The following CCBE1 variants were observed in gnomAD, a reference collection of about 807,000 sequenced individuals.
CCBE1 encodes the protein collagen and calcium binding EGF domains 1.
Under a neutral mutation model 50.0 loss-of-function variants are expected in CCBE1, and 37 were observed. The ratio of observed to expected loss-of-function variants is 0.74; its 90% CI spans 0.57 to 0.97. The LOEUF (loss-of-function observed/expected upper bound fraction) is 0.97. CCBE1 is among the 50% of genes least tolerant of loss of function. The probability of loss-of-function intolerance (pLI) is 0.00; values close to 1 mark genes in which losing one functional copy is unlikely to be tolerated. For missense variants in CCBE1, 538 were observed against 523.8 expected, an observed-to-expected ratio of 1.03 and a Z score of -0.26; for synonymous variants, 234 against 203.7, an observed-to-expected ratio of 1.15 and a Z score of -1.27.
intron 6 of CCBE1, among the ~76,000 whole-genome samples, chr18:59,451,216 C>T (rs1199096585): frequency 1.3e-5 from 2 of 152,044 alleles, no homozygotes; most frequent in Non-Finnish European, 2.9e-5. Context: ...CTCAACTGCT[C>T]AACGTGGGGA....
At chr18:59,509,181 G>A (rs754865540) in intron 2 of CCBE1, among the ~76,000 whole-genome samples, 1 of 152,100 alleles carries the variant, frequency 6.6e-6, no homozygotes, top group Admixed American at 6.6e-5. Flanking sequence ...CTGAGAAACT[G>A]GCCACAGAAG....
chr18:59,565,920 A>G (rs2052818185), intron 2 of CCBE1, among the ~76,000 whole-genome samples: 1 of 152,172 alleles, frequency 6.6e-6, no homozygotes, highest in Non-Finnish European at 1.5e-5. Context: ...CTGTTACGTC[A>G]GGGCTCCTGA....
At chr18:59,665,715 T>C (rs2054345525) in intron 2 of CCBE1, among the ~76,000 whole-genome samples, 2 of 152,026 alleles carry the variant, frequency 1.3e-5, no homozygotes, top group Admixed American at 1.3e-4. Context: ...TCCGAGGTGA[T>C]GGATGTACCC....
intron 2 of CCBE1, among the ~76,000 whole-genome samples, chr18:59,653,460 T>A (rs79613449): frequency 6.6e-6 from 1 of 152,186 alleles, no homozygotes; most frequent in Non-Finnish European, 1.5e-5. Flanking sequence ...ACAAATCACA[T>A]AGCTTAAAGG....
chr18:59,637,510 A>G (rs1276143041), intron 2 of CCBE1, among the ~76,000 whole-genome samples: 1 of 152,202 alleles, frequency 6.6e-6, no homozygotes, highest in African/African-American at 2.4e-5. Context: ...TAGCCTACAG[A>G]TAAAGAAGTA....
intron 2 of CCBE1, among the ~76,000 whole-genome samples, chr18:59,499,805 T>C (rs142779528): frequency 1.4e-3 from 209 of 152,298 alleles, no homozygotes; most frequent in Non-Finnish European, 2.5e-3. Context: ...ACTTTGACAG[T>C]GGGCAGACTT....
rs143707431 is a variant in CCBE1, at chr18:59,506,049, G to A, written c.213-25811C>T. Reference sequence around the variant, plus strand: ...CATTCACATATACCCAGGAACCTCAGAATGTGGTCTTATTTGGGAATAGCG... The same window carrying A: ...CATTCACATATACCCAGGAACCTCAAAATGTGGTCTTATTTGGGAATAGCG... On this transcript the variant is annotated intron_variant, in intron 2 of 10. Coordinates refer to ENST00000439986, the MANE Select transcript of CCBE1 (RefSeq NM_133459.4). Among the ~76,000 whole-genome samples the A allele has an allele frequency of 2.1e-3, 322 of 152,346 alleles. 1 individual carries two copies. The highest frequency in any genetic ancestry group is 7.3e-3 in the African/African-American group (304 of 41,576).
intron 7 of CCBE1, among the ~76,000 whole-genome samples, chr18:59,443,534 T>C (rs924959018): frequency 6.6e-6 from 1 of 151,552 alleles, no homozygotes; most frequent in Non-Finnish European, 1.5e-5. Context: ...TGGTGCAATC[T>C]CGTCTCACTG....
chr18:59,634,534 C>G (rs1357138562), intron 2 of CCBE1, among the ~76,000 whole-genome samples: 1 of 152,028 alleles, frequency 6.6e-6, no homozygotes, highest in African/African-American at 2.4e-5. Flanking sequence ...AATATGGGTT[C>G]CCAATAAAAA....
At chr18:59,640,269 G>A (rs534703595) in intron 2 of CCBE1, among the ~76,000 whole-genome samples, 1 of 152,156 alleles carries the variant, frequency 6.6e-6, no homozygotes, top group Non-Finnish European at 1.5e-5. Context: ...GCATGGTGCT[G>A]ATACCAAAAC....
intron 2 of CCBE1, among the ~76,000 whole-genome samples, chr18:59,630,518 T>A (rs943972809): frequency 6.6e-6 from 1 of 152,140 alleles, no homozygotes; most frequent in Non-Finnish European, 1.5e-5. Flanking sequence ...TGTTTGGGTG[T>A]GGCATTAAAG....
intron 2 of CCBE1, among the ~76,000 whole-genome samples, chr18:59,532,050 G>A (rs933199421): frequency 6.6e-6 from 1 of 152,118 alleles, no homozygotes; most frequent in African/African-American, 2.4e-5. Flanking sequence ...GACCGTCTAT[G>A]TATCTCTACA....
intron 2 of CCBE1, among the ~76,000 whole-genome samples, chr18:59,641,175 G>A (rs1156965043): frequency 6.6e-6 from 1 of 152,048 alleles, no homozygotes; most frequent in Non-Finnish European, 1.5e-5. Flanking sequence ...GTTCATTACA[G>A]TACTAGTCAC....
At chr18:59,662,144 A>C (rs2054294516) in intron 2 of CCBE1, among the ~76,000 whole-genome samples, 1 of 152,228 alleles carries the variant, frequency 6.6e-6, no homozygotes, top group East Asian at 1.9e-4. Flanking sequence ...TAAAACAGTG[A>C]AATCACCACC....
chr18:59,495,262 A>G (rs941404741), intron 2 of CCBE1, among the ~76,000 whole-genome samples: 2 of 152,092 alleles, frequency 1.3e-5, no homozygotes, highest in Non-Finnish European at 2.9e-5. Flanking sequence ...ACACTTTCAT[A>G]TAACAATTAC....
intron 2 of CCBE1, among the ~76,000 whole-genome samples, chr18:59,503,670 A>G (rs1374988429): frequency 1.3e-5 from 2 of 152,120 alleles, no homozygotes; most frequent in Non-Finnish European, 2.9e-5. Flanking sequence ...TTCCTATTCC[A>G]TCAAGTGCAG....
intron 2 of CCBE1, among the ~76,000 whole-genome samples, chr18:59,534,530 C>T (rs1465151342): frequency 6.6e-6 from 1 of 152,234 alleles, no homozygotes; most frequent in African/African-American, 2.4e-5. Flanking sequence ...GCCTCCCCTA[C>T]TTTTGGGTAC....
rs59954169 is a variant in CCBE1 at position 59,607,057 on chromosome 18, G to GAAA, written c.212+89569_212+89571dup. Among the ~76,000 whole-genome samples the GAAA allele has an allele frequency of 4.6e-3, 540 of 117,334 alleles. 5 individuals carry two copies. Among genetic ancestry groups the GAAA allele is most frequent in the African/African-American group, 0.015 (506 of 33,500 alleles). The allele number at this position is 117,334 out of a possible 152,430, so 77.0% of individuals were successfully genotyped here. ...CTCCATAAAAGGTGTGTTGAATTGG[G>GAAA]AAAAAAAAAAAAAAAAAAAGCACAC... On this transcript the variant is annotated intron_variant, in intron 2 of 10. Transcript: ENST00000439986.
chr18:59,547,936 C>T (rs761984839), intron 2 of CCBE1, among the ~76,000 whole-genome samples: 71 of 152,140 alleles, frequency 4.7e-4, no homozygotes, highest in African/African-American at 1.2e-3. Context: ...GGCATTTTGG[C>T]CAGGATTTTG....
Sources: gnomAD v4.1 joint callset for allele counts (sites outside exome capture counted in the v4.1 genomes callset) on GRCh38, gnomAD v4.1.1 for gene constraint, MANE v1.5 for transcripts, NCBI Gene and HGNC (gene_info 2026-07-23, HGNC 2026-07-21) for gene names.